Variants in PARD3B observed in about 807,000 individuals in gnomAD.
PARD3B encodes partitioning defective 3 homolog B.
A neutral mutation model predicts 130.2 loss-of-function variants in PARD3B; 103 were observed. That is an observed-to-expected ratio of 0.79 (90% confidence interval 0.67 to 0.93). PARD3B has a LOEUF of 0.93. PARD3B is among the 40% of genes least tolerant of loss of function. The probability of loss-of-function intolerance (pLI) is 0.00; values close to 1 mark genes in which losing one functional copy is unlikely to be tolerated. For synonymous variants in PARD3B, 583 were observed against 553.2 expected (o/e 1.05, Z -0.76); for missense variants, 1,609 against 1,499.2 (o/e 1.07, Z -1.21).
chr2:204,614,068 G>A (rs367895801), intron 1 of PARD3B, among the ~76,000 whole-genome samples: 8 of 151,612 alleles, frequency 5.3e-5, no homozygotes, highest in East Asian at 3.9e-4. Context: ...TAACTGATTC[G>A]TGTCTCTATA....
intron 3 of PARD3B, among the ~76,000 whole-genome samples, chr2:204,984,997 C>T (rs1415123322): frequency 2.6e-5 from 4 of 151,262 alleles, no homozygotes; most frequent in African/African-American, 4.9e-5. Flanking sequence ...CCAGCTCTCA[C>T]AAAATCTTCT....
intron 2 of PARD3B, among the ~76,000 whole-genome samples, chr2:204,687,331 G>A (rs754362347): frequency 2.6e-5 from 4 of 151,894 alleles, no homozygotes; most frequent in South Asian, 2.1e-4. Flanking sequence ...TGTTATTAGC[G>A]ATTTTATAGT....
intron 20 of PARD3B, among the ~76,000 whole-genome samples, chr2:205,447,529 C>T (rs775242799): frequency 7.9e-5 from 12 of 152,170 alleles, no homozygotes; most frequent in Non-Finnish European, 1.6e-4. Context: ...CCATGTGTAC[C>T]ACCAAACCCA....
At chr2:205,583,544 G>A (rs773407836) in intron 22 of PARD3B, among the ~76,000 whole-genome samples, 7 of 152,142 alleles carry the variant, frequency 4.6e-5, no homozygotes, top group African/African-American at 7.2e-5. Context: ...TGTGTGCTAG[G>A]CGCTGTTCTA....
At chr2:204,758,805 G>A (rs920499704) in intron 2 of PARD3B, among the ~76,000 whole-genome samples, 5 of 152,142 alleles carry the variant, frequency 3.3e-5, no homozygotes, top group Non-Finnish European at 5.9e-5. Flanking sequence ...GTTTGGCTCC[G>A]TGGTTATGAT....
Position 205,589,695 on chromosome 2 carries a change from G to T in PARD3B, c.3261-25761G>T, listed in dbSNP as rs1575434471. Among the ~76,000 whole-genome samples the T allele has an allele frequency of 6.6e-6, 1 of 152,256 alleles. No individual in the cohort carries two copies. Among genetic ancestry groups the T allele is most frequent in the African/African-American group, 2.4e-5 (1 of 41,552 alleles). ...TGTCTCTATTGGAGAATTGCTAGAGGACTCGAGTTAGGGATGATTCACTTT... is the reference window on the plus strand; with the variant it reads ...TGTCTCTATTGGAGAATTGCTAGAGTACTCGAGTTAGGGATGATTCACTTT... On this transcript the variant is annotated intron_variant, in intron 22 of 22. Transcript: ENST00000406610. The surrounding 1 kb of genome is among the most constrained non-coding windows in gnomAD (Gnocchi z 4.1).
chr2:205,449,097 C>T (rs1288564734), intron 20 of PARD3B, among the ~76,000 whole-genome samples: 4 of 143,656 alleles, frequency 2.8e-5, no homozygotes, highest in African/African-American at 5.2e-5. Context: ...ACCCGGGAGG[C>T]GCAGGTTGCA....
chr2:205,173,226 A>G (rs2035275929), intron 12 of PARD3B, among the ~76,000 whole-genome samples: 1 of 152,232 alleles, frequency 6.6e-6, no homozygotes, highest in East Asian at 1.9e-4. Context: ...AAGCTAATAT[A>G]AAGTACTAGT....
At chr2:204,927,709 C>T (rs890698455) in intron 2 of PARD3B, among the ~76,000 whole-genome samples, 3 of 152,036 alleles carry the variant, frequency 2.0e-5, no homozygotes, top group Non-Finnish European at 2.9e-5. Flanking sequence ...ATTTTGAAAA[C>T]GAGTCATGAC....
chr2:204,637,223 C>A (rs1185963727), intron 1 of PARD3B, among the ~76,000 whole-genome samples: 1 of 151,996 alleles, frequency 6.6e-6, no homozygotes, highest in East Asian at 1.9e-4. Context: ...ATCATTAATA[C>A]TGAAAGACAA....
chr2:205,353,114 C>T (rs542769797), intron 18 of PARD3B, among the ~76,000 whole-genome samples: 1 of 152,262 alleles, frequency 6.6e-6, no homozygotes, highest in African/African-American at 2.4e-5. Context: ...CCAGCCTGTG[C>T]CACCACTTGG....
rs1407692601 is a variant in PARD3B at position 205,176,502 on chromosome 2, G to A, written c.1849G>A (p.Val617Ile). 1 of 1,612,718 alleles carries A rather than the reference G, an allele frequency of 6.2e-7. No individual in the cohort carries two copies. The highest frequency in any genetic ancestry group is 1.3e-5 in the African/African-American group (1 of 74,884). Reference sequence around the variant, plus strand: ...ATGCTTTGAGAACTGTCAAAATGCTGTAACCACCTCTAGGCGAAATGATAA... The same window carrying A: ...ATGCTTTGAGAACTGTCAAAATGCTATAACCACCTCTAGGCGAAATGATAA... ...KPCFENCQNAVTTSRRNDNSI... is the reference protein window; with the variant it reads ...KPCFENCQNAITTSRRNDNSI... Residue 617 changes from valine to isoleucine, a missense_variant, in exon 13 of 23, where the codon GTA becomes ATA. Val to Ile is a conservative substitution (Grantham distance 29). Coordinates refer to ENST00000406610, the MANE Select transcript of PARD3B (RefSeq NM_001302769.2). The surrounding 1 kb of genome is among the most constrained non-coding windows in gnomAD (Gnocchi z 5.3).
intron 19 of PARD3B, among the ~76,000 whole-genome samples, chr2:205,438,908 T>C (rs1262923794): frequency 6.6e-6 from 1 of 152,078 alleles, no homozygotes; most frequent in Non-Finnish European, 1.5e-5. Context: ...GGTGCTGGGG[T>C]TTTGTTTTGG....
intron 3 of PARD3B, among the ~76,000 whole-genome samples, chr2:205,004,175 C>T (rs147491334): frequency 0.034 from 5,167 of 152,238 alleles, 116 homozygotes; most frequent in Middle Eastern, 0.082. Flanking sequence ...GAAATTACCC[C>T]CTCCAGGTCT....
intron 2 of PARD3B, among the ~76,000 whole-genome samples, chr2:204,815,711 T>C (rs2043122078): frequency 6.6e-6 from 1 of 152,026 alleles, no homozygotes; most frequent in Non-Finnish European, 1.5e-5. Flanking sequence ...TTTGATATGC[T>C]TTGTTTTAAT....
At position 205,253,515 on chromosome 2, in the gene PARD3B, A is replaced by G. The variant is rs1354280672; in HGVS notation, c.2185+7693A>G. 1.5e-5 allele frequency: 8 copies of G among 548,672 alleles called. No homozygotes were observed. Among genetic ancestry groups the G allele is most frequent in the Non-Finnish European group, 3.0e-5 (8 of 270,472 alleles). 34.0% of individuals were successfully genotyped at this position (548,672 alleles called of 1,614,324 possible). ...CACTGGAAGTACCTGGGGAAGCAGG[A>G]GAGACTCACACTGCTGTCATGGCCC... On this transcript the variant is annotated intron_variant, in intron 16 of 22. Coordinates refer to ENST00000406610, the MANE Select transcript of PARD3B (RefSeq NM_001302769.2). The surrounding 1 kb of genome is among the most constrained non-coding windows in gnomAD (Gnocchi z 4.4).
intron 21 of PARD3B, among the ~76,000 whole-genome samples, chr2:205,538,817 AAGGTC>A (rs1238610578): frequency 6.6e-6 from 1 of 152,196 alleles, no homozygotes; most frequent in Admixed American, 6.5e-5. Flanking sequence ...AACCAATAGA[AAGGTC>A]AGATTCAATG....
intron 1 of PARD3B, among the ~76,000 whole-genome samples, chr2:204,682,281 A>T (rs918155930): frequency 1.3e-5 from 2 of 151,582 alleles, no homozygotes; most frequent in Admixed American, 6.6e-5. Flanking sequence ...TTCTGTGTTT[A>T]AAAAAAAATC....
intron 2 of PARD3B, among the ~76,000 whole-genome samples, chr2:204,955,897 A>G (rs1466123571): frequency 6.6e-6 from 1 of 152,164 alleles, no homozygotes; most frequent in Non-Finnish European, 1.5e-5. Context: ...GCACTGTGGG[A>G]CACTGGAGGG....
Sources: gnomAD v4.1 joint callset for allele counts (sites outside exome capture counted in the v4.1 genomes callset) on GRCh38, gnomAD v4.1.1 for gene constraint, Gnocchi (gnomAD v3.1) non-coding constraint, MANE v1.5 for transcripts, NCBI Gene and HGNC (gene_info 2026-07-23, HGNC 2026-07-21) for gene names.